The following KLF17 variants were observed in gnomAD, a reference collection of about 807,000 sequenced individuals.
KLF17 encodes Krueppel-like factor 17.
In KLF17, 31 loss-of-function variants were observed where a neutral mutation model predicts 34.2. The ratio of observed to expected loss-of-function variants is 0.91; its 90% CI spans 0.68 to 1.22. KLF17 has a LOEUF of 1.22. KLF17 is among the 50% of genes most tolerant of loss of function. The probability of loss-of-function intolerance (pLI) is 0.00; values close to 1 mark genes in which losing one functional copy is unlikely to be tolerated. For synonymous variants in KLF17, 179 were observed against 186.7 expected, an observed-to-expected ratio of 0.96 and a Z score of 0.34; for missense variants, 478 against 505.2, an observed-to-expected ratio of 0.95 and a Z score of 0.52.
the KLF17 span, among the ~76,000 whole-genome samples, chr1:44,113,114 T>C: frequency 6.6e-6 from 1 of 152,232 alleles, no homozygotes; most frequent in Non-Finnish European, 1.5e-5. Flanking sequence ...CAAAAATTAC[T>C]TCATGGCTGG....
At chr1:44,132,607 A>G (rs1407258681) in intron 3 of KLF17, among the ~76,000 whole-genome samples, 2 of 152,152 alleles carry the variant, frequency 1.3e-5, no homozygotes, top group African/African-American at 2.4e-5. Context: ...ACCTCTCCAA[A>G]TAAAACACCA....
At chr1:44,054,160 G>A in the KLF17 span, among the ~76,000 whole-genome samples, 1 of 152,132 alleles carries the variant, frequency 6.6e-6, no homozygotes, top group Non-Finnish European at 1.5e-5. Flanking sequence ...TCCCCAGAAG[G>A]GTGGGTTCTC....
At chr1:44,095,360 C>T in the KLF17 span, among the ~76,000 whole-genome samples, 3 of 151,990 alleles carry the variant, frequency 2.0e-5, no homozygotes, top group Non-Finnish European at 4.4e-5. Flanking sequence ...GGATTACAGG[C>T]ATGCGCCACT....
At chr1:44,098,135 A>G in the KLF17 span, among the ~76,000 whole-genome samples, 278 of 152,032 alleles carry the variant, frequency 1.8e-3, 3 homozygotes, top group African/African-American at 6.4e-3. Flanking sequence ...ATGCCTAACT[A>G]ATTTTTTAGT....
chr1:44,120,096 A>T (rs1236014906), intron 1 of KLF17, among the ~76,000 whole-genome samples: 1 of 152,246 alleles, frequency 6.6e-6, no homozygotes, highest in Admixed American at 6.5e-5. Flanking sequence ...TTGCTTGCAC[A>T]ATTGGGTGAC....
At chr1:44,052,088 G>T in the KLF17 span, 2 of 152,172 alleles carry the variant, frequency 1.3e-5, no homozygotes, top group African/African-American at 2.4e-5. Flanking sequence ...AGTCTGCTCA[G>T]TGATAACAGA....
At chr1:44,066,602 G>A in the KLF17 span, among the ~76,000 whole-genome samples, 5 of 151,766 alleles carry the variant, frequency 3.3e-5, no homozygotes, top group African/African-American at 1.2e-4. Flanking sequence ...TATCCACTCT[G>A]GAAAAACAAT....
At chr1:44,118,743 G>C (rs990991560), upstream of KLF17, 5 of 491,432 alleles carry the variant, frequency 1.0e-5, no homozygotes, top group Non-Finnish European at 1.4e-5. Flanking sequence ...CTGCGAGGGC[G>C]GCGCAGGGCG....
the KLF17 span, among the ~76,000 whole-genome samples, chr1:44,060,469 A>G: frequency 6.6e-6 from 1 of 152,154 alleles, no homozygotes; most frequent in Non-Finnish European, 1.5e-5. Flanking sequence ...CTCTGTCTCA[A>G]AAAAAGAATG....
At chr1:44,106,690 G>A in the KLF17 span, 3 of 152,216 alleles carry the variant, frequency 2.0e-5, no homozygotes, top group African/African-American at 4.8e-5. Context: ...TGGGAAGCAG[G>A]AGGGAATAAA....
At chr1:44,078,351 A>G in the KLF17 span, among the ~76,000 whole-genome samples, 173 of 152,142 alleles carry the variant, frequency 1.1e-3, 1 homozygote, top group East Asian at 5.6e-3. Context: ...ACCTGACACA[A>G]TGGTAGATCT....
the KLF17 span, among the ~76,000 whole-genome samples, chr1:44,070,336 C>G: frequency 3.3e-5 from 5 of 152,062 alleles, no homozygotes; most frequent in African/African-American, 1.2e-4. Flanking sequence ...TCTCATCATC[C>G]ACCCCCCTCC....
chr1:44,070,686 T>C, the KLF17 span, among the ~76,000 whole-genome samples: 202 of 145,558 alleles, frequency 1.4e-3, no homozygotes, highest in Admixed American at 3.1e-3. Flanking sequence ...TTTGAACTCC[T>C]GGGCTCCAGT....
chr1:44,096,394 AT>A, the KLF17 span, among the ~76,000 whole-genome samples: 52 of 110,238 alleles, frequency 4.7e-4, no homozygotes, highest in East Asian at 0.012. Flanking sequence ...TATTTTTATT[AT>A]TTATTTTTCT....
At chr1:44,053,643 G>A in the KLF17 span, among the ~76,000 whole-genome samples, 1 of 152,328 alleles carries the variant, frequency 6.6e-6, no homozygotes, top group Non-Finnish European at 1.5e-5. Context: ...ATTGTGAGAG[G>A]TAGCTGACAG....
rs1257219191 is a variant in KLF17, at chr1:44,129,312, C to T, written c.82-41C>T. 2.7e-6 allele frequency: 4 copies of T among 1,506,004 alleles called. No individual in the cohort carries two copies. In the African/African-American group the frequency reaches 5.6e-5, roughly 21 times the overall value. 93.3% of individuals were successfully genotyped at this position (1,506,004 alleles called of 1,614,324 possible). ...GGATGAAGAGGAGGAACATGTGGAACTGGAATTTGAGCAAAAATCACCTGA... is the reference window on the plus strand; with the variant it reads ...GGATGAAGAGGAGGAACATGTGGAATTGGAATTTGAGCAAAAATCACCTGA... On this transcript the variant is annotated intron_variant, in intron 1 of 3. Transcript: ENST00000372299.
the KLF17 span, among the ~76,000 whole-genome samples, chr1:44,090,563 A>G: frequency 6.6e-6 from 1 of 152,096 alleles, no homozygotes; most frequent in African/African-American, 2.4e-5. Flanking sequence ...GGGGCAGGTA[A>G]CAGCAGGCCA....
the KLF17 span, among the ~76,000 whole-genome samples, chr1:44,087,763 TATATATACACAC>T: frequency 9.6e-4 from 54 of 56,078 alleles, no homozygotes; most frequent in Non-Finnish European, 1.5e-3. Flanking sequence ...TATATATATA[TATATATACACAC>T]ACACACACAC....
At chr1:44,064,307 C>T in the KLF17 span, among the ~76,000 whole-genome samples, 1 of 152,262 alleles carries the variant, frequency 6.6e-6, no homozygotes, top group African/African-American at 2.4e-5. Flanking sequence ...ACAGAAAGTA[C>T]TGAAAAAGTT....
Sources: allele counts gnomAD v4.1 joint callset (sites outside exome capture counted in the v4.1 genomes callset), GRCh38; gene constraint gnomAD v4.1.1; transcripts MANE v1.5; gene names NCBI Gene and HGNC (gene_info 2026-07-23, HGNC 2026-07-21).